ANK1: variants seen among roughly 807,000 people sequenced by gnomAD.
ANK1 encodes ankyrin-1.
In ANK1, 51 loss-of-function variants were observed where a neutral mutation model predicts 210.4. That is an observed-to-expected ratio of 0.24 (90% CI 0.19 to 0.31). ANK1 has a LOEUF of 0.31. ANK1 is among the 10% of genes least tolerant of loss of function. The pLI, the probability that ANK1 is intolerant of heterozygous loss-of-function variation, is 1.00. For missense variants in ANK1, 2,051 were observed against 2,504.4 expected (o/e 0.82, Z 3.86); for synonymous variants, 967 against 1,025.9 (o/e 0.94, Z 1.10).
chr8:41,878,470 T>C (rs180889192), intron 1 of ANK1, among the ~76,000 whole-genome samples: 1 of 152,282 alleles, frequency 6.6e-6, no homozygotes, highest in East Asian at 1.9e-4. Flanking sequence ...GAGCTGTTTA[T>C]AAAAAGAAGC....
chr8:41,672,289 G>T, intron 38 of ANK1, 65 bp downstream of exon 38: 1 of 1,565,260 alleles, frequency 6.4e-7, no homozygotes, highest in South Asian at 1.1e-5. Flanking sequence ...CTCACTGCCA[G>T]GCATAATCTT....
chr8:41,822,041 C>A (rs1308071429), intron 1 of ANK1, among the ~76,000 whole-genome samples: 2 of 145,630 alleles, frequency 1.4e-5, no homozygotes, highest in Admixed American at 7.0e-5. Flanking sequence ...CAGAGTGAGA[C>A]TCCATCTCAA....
intron 2 of ANK1, among the ~76,000 whole-genome samples, chr8:41,742,201 G>A (rs566136304): frequency 7.2e-5 from 11 of 152,284 alleles, no homozygotes; most frequent in Non-Finnish European, 1.5e-4. Flanking sequence ...ATTTGTTCTC[G>A]TTAAATTATT....
chr8:41,737,616 T>G (rs1360028500), intron 2 of ANK1, among the ~76,000 whole-genome samples: 1 of 152,218 alleles, frequency 6.6e-6, no homozygotes, highest in Non-Finnish European at 1.5e-5. Flanking sequence ...AGCGATCTCC[T>G]TCTTATGATT....
chr8:41,703,935 G>A (rs1007898122), intron 20 of ANK1, 106 bp downstream of exon 20: 63 of 1,095,876 alleles, frequency 5.7e-5, no homozygotes, highest in African/African-American at 4.9e-4. Context: ...CTGCGGCCCC[G>A]TCCAGGCCCT....
At chr8:41,874,268 T>C (rs1335453443) in intron 1 of ANK1, among the ~76,000 whole-genome samples, 2 of 152,210 alleles carry the variant, frequency 1.3e-5, no homozygotes, top group African/African-American at 4.8e-5. Flanking sequence ...TAGAGCCTCC[T>C]ATAGCCGCCT....
At chr8:41,765,158 CCTTT>C (rs1432077043) in intron 1 of ANK1, among the ~76,000 whole-genome samples, 1 of 146,286 alleles carries the variant, frequency 6.8e-6, no homozygotes, top group Non-Finnish European at 1.5e-5. Context: ...CTTCTTCCTT[CCTTT>C]CCTTTCTTTT....
Position 41,717,713 on chromosome 8 carries a change from C to G in ANK1, c.1207-11G>C. 6.5e-7 allele frequency: 1 copy of G among 1,549,240 alleles called. No homozygotes were observed. The highest frequency in any genetic ancestry group is 2.0e-5 in the Admixed American group (1 of 51,010). On this transcript the variant is annotated splice_polypyrimidine_tract_variant and intron_variant, in intron 11 of 42. Transcript: ENST00000289734. ...AGGTGTCAGGCCAGACTGAAACAGA[C>G]AAAGGCAGAGTCCGATAAGTGGGAG...
At chr8:41,838,018 C>T (rs1023038296) in intron 1 of ANK1, among the ~76,000 whole-genome samples, 1 of 152,176 alleles carries the variant, frequency 6.6e-6, no homozygotes, top group East Asian at 1.9e-4. Flanking sequence ...CTCCACACAC[C>T]CATCTTCTCC....
intron 38 of ANK1, among the ~76,000 whole-genome samples, chr8:41,669,537 T>C (rs566145077): frequency 2.6e-5 from 4 of 152,260 alleles, no homozygotes; most frequent in Admixed American, 6.5e-5. Flanking sequence ...TCCAGGACAG[T>C]GCGATCCAAT....
chr8:41,827,396 C>T (rs1563856283), intron 1 of ANK1, among the ~76,000 whole-genome samples: 1 of 152,200 alleles, frequency 6.6e-6, no homozygotes, highest in Non-Finnish European at 1.5e-5. Context: ...GCGTCTTAGA[C>T]TGCTCTCTGA....
chr8:41,723,504 C>T (rs932781024), intron 8 of ANK1, 31 bp downstream of exon 8: 1 of 1,611,952 alleles, frequency 6.2e-7, no homozygotes, highest in African/African-American at 1.3e-5. Context: ...CTCCCTCCCC[C>T]TGCCTGGCTA....
chr8:41,752,348 C>T (rs952817582), intron 2 of ANK1, among the ~76,000 whole-genome samples: 5 of 152,206 alleles, frequency 3.3e-5, no homozygotes, highest in Middle Eastern at 3.2e-3. Context: ...CCCACACAGG[C>T]GAGTGGGAGT....
chr8:41,832,672 G>T (rs1211316639), intron 1 of ANK1, among the ~76,000 whole-genome samples: 1 of 152,222 alleles, frequency 6.6e-6, no homozygotes, highest in Non-Finnish European at 1.5e-5. Flanking sequence ...CCCTGCAAGG[G>T]AGATTTCTCA....
rs547022722 is a variant in ANK1 at position 41,682,573 on chromosome 8, C to G, written c.4537+1971G>C. ...ATGGGCTGACCCCCTGAAGCAGAGC[C>G]CTTTCAGCAGACATGGAGTGCACAG... On this transcript the variant is annotated intron_variant, in intron 37 of 42. Transcript: ENST00000289734. Among the ~76,000 whole-genome samples the G allele has an allele frequency of 7.2e-5, 11 of 152,334 alleles. No homozygotes were observed. The East Asian group carries it at 2.1e-3, about 29-fold the overall frequency.
At chr8:41,766,910 C>T (rs1442472552) in intron 1 of ANK1, among the ~76,000 whole-genome samples, 1 of 152,114 alleles carries the variant, frequency 6.6e-6, no homozygotes, top group Non-Finnish European at 1.5e-5. Context: ...GCCAGGTCCC[C>T]GCCCGGCCCA....
chr8:41,741,628 T>C (rs1834824504), intron 2 of ANK1, among the ~76,000 whole-genome samples: 1 of 152,050 alleles, frequency 6.6e-6, no homozygotes, highest in Non-Finnish European at 1.5e-5. Context: ...CTCTCTTTCC[T>C]GACCTCTGCC....
Position 41,704,508 on chromosome 8 carries a change from C to G in ANK1, c.2098-36G>C. Reference sequence around the variant, plus strand: ...GATGAGAAGGAGTGACCGGAGCTGTCCTGAGCTGGGCATCACATGAAATCC... The same window carrying G: ...GATGAGAAGGAGTGACCGGAGCTGTGCTGAGCTGGGCATCACATGAAATCC... On this transcript the variant is annotated intron_variant, in intron 18 of 42. Transcript: ENST00000289734. The surrounding 1 kb of genome is among the most constrained non-coding windows in gnomAD (Gnocchi z 4.1). 1 of 1,563,616 alleles carries G rather than the reference C, an allele frequency of 6.4e-7. No homozygotes were observed. Among genetic ancestry groups the G allele is most frequent in the South Asian group, 1.1e-5 (1 of 89,998 alleles).
At position 41,847,475 on chromosome 8, in the gene ANK1, TCCACGAG is replaced by T. The variant is rs542933657; in HGVS notation, c.126+48873_126+48879del. On this transcript the variant is annotated intron_variant, in intron 1 of 42. Transcript: ENST00000265709. ...CAGGAGAGGAAAACGCAGGTAAGCA[TCCACGAG>T]CTGCTACGGAGGTGATAATGACACT... is the stretch of plus-strand genomic sequence containing the variant. Among the ~76,000 whole-genome samples the T allele has an allele frequency of 5.9e-3, 899 of 152,300 alleles. 3 individuals are homozygous for T. The highest frequency in any genetic ancestry group is 8.8e-3 in the Non-Finnish European group (597 of 68,038).
Sources: gnomAD v4.1 joint callset for allele counts (sites outside exome capture counted in the v4.1 genomes callset) on GRCh38, gnomAD v4.1.1 for gene constraint, Gnocchi (gnomAD v3.1) non-coding constraint, MANE v1.5 for transcripts, NCBI Gene and HGNC (gene_info 2026-07-23, HGNC 2026-07-21) for gene names.